Variants in ANK2 observed in about 807,000 individuals in gnomAD.
ANK2 encodes ankyrin-2.
Under a neutral mutation model 360.5 loss-of-function variants are expected in ANK2, and 83 were observed. The ratio of observed to expected loss-of-function variants is 0.23; its 90% confidence interval spans 0.19 to 0.28. ANK2 has a LOEUF of 0.28. Among genes scored for constraint, ANK2 ranks in the 10% least tolerant of loss-of-function variants. The probability of loss-of-function intolerance (pLI) is 1.00; values close to 1 mark genes in which losing one functional copy is unlikely to be tolerated. For missense variants in ANK2, 4,201 were observed against 4,795.7 expected, an observed-to-expected ratio of 0.88 and a Z score of 3.66; for synonymous variants, 1,740 against 1,759.5, an observed-to-expected ratio of 0.99 and a Z score of 0.28.
At chr4:113,235,818 T>A (rs1450463476) in intron 5 of ANK2, among the ~76,000 whole-genome samples, 2 of 150,442 alleles carry the variant, frequency 1.3e-5, no homozygotes, top group Non-Finnish European at 3.0e-5. Flanking sequence ...CTTGGCTCAC[T>A]GCAAGCTCTG....
intron 2 of ANK2, among the ~76,000 whole-genome samples, chr4:113,005,623 T>C (rs1234610442): frequency 6.6e-6 from 1 of 152,126 alleles, no homozygotes; most frequent in East Asian, 1.9e-4. Context: ...AGATTGGTTA[T>C]GGGTACAAAC....
At chr4:113,361,432 AAAAT>A (rs2096218014) in intron 39 of ANK2, among the ~76,000 whole-genome samples, 1 of 152,100 alleles carries the variant, frequency 6.6e-6, no homozygotes, top group African/African-American at 2.4e-5. Flanking sequence ...AGTGAATTCT[AAAAT>A]CAATATACTT....
chr4:113,177,846 C>G (rs1295447502), intron 2 of ANK2, among the ~76,000 whole-genome samples: 1 of 152,182 alleles, frequency 6.6e-6, no homozygotes, highest in Non-Finnish European at 1.5e-5. Flanking sequence ...TTGAAGAAGT[C>G]AGCTCACTTT....
chr4:112,968,776 G>A (rs190523364), intron 2 of ANK2, among the ~76,000 whole-genome samples: 58 of 152,222 alleles, frequency 3.8e-4, no homozygotes, highest in Non-Finnish European at 6.8e-4. Context: ...TTAAATCATT[G>A]AACAGTCTGT....
At chr4:112,757,825 C>T in the ANK2 span, among the ~76,000 whole-genome samples, 1 of 151,498 alleles carries the variant, frequency 6.6e-6, no homozygotes, top group Non-Finnish European at 1.5e-5. Flanking sequence ...AAGCGCTATA[C>T]GTAAAGGAGA....
At chr4:113,031,108 G>A (rs766664118) in intron 2 of ANK2, among the ~76,000 whole-genome samples, 3 of 151,922 alleles carry the variant, frequency 2.0e-5, no homozygotes, top group Non-Finnish European at 4.4e-5. Context: ...ATACTTAACA[G>A]CTGACTTGAA....
At chr4:112,888,797 C>T (rs188012311) in intron 1 of ANK2, among the ~76,000 whole-genome samples, 3 of 152,240 alleles carry the variant, frequency 2.0e-5, no homozygotes, top group African/African-American at 4.8e-5. Context: ...AGTTGAATGG[C>T]GAAGTCTTTT....
chr4:112,796,259 A>T, the ANK2 span, among the ~76,000 whole-genome samples: 1 of 152,058 alleles, frequency 6.6e-6, no homozygotes, highest in Non-Finnish European at 1.5e-5. Context: ...CTCCATCTCT[A>T]CTAAAAATAC....
chr4:112,739,127 G>A, the ANK2 span: 39 of 433,670 alleles, frequency 9.0e-5, no homozygotes, highest in South Asian at 6.1e-4. Flanking sequence ...TGCACGTTTT[G>A]TGTTTAAATA....
intron 9 of ANK2, among the ~76,000 whole-genome samples, chr4:113,242,420 G>A (rs1461595927): frequency 6.6e-6 from 1 of 152,206 alleles, no homozygotes; most frequent in Non-Finnish European, 1.5e-5. Flanking sequence ...GAAGCAAAAT[G>A]TTGGTCCCTC....
intron 45 of ANK2, among the ~76,000 whole-genome samples, chr4:113,376,421 T>C (rs1001390229): frequency 6.6e-6 from 1 of 152,204 alleles, no homozygotes; most frequent in Non-Finnish European, 1.5e-5. Flanking sequence ...ATACTTACCA[T>C]GTAGCTTGCA....
chr4:113,220,863 A>G (rs1441441858), intron 4 of ANK2, among the ~76,000 whole-genome samples: 1 of 152,222 alleles, frequency 6.6e-6, no homozygotes, highest in African/African-American at 2.4e-5. Flanking sequence ...TAGTCAATCA[A>G]CAGCTATTTA....
intron 39 of ANK2, among the ~76,000 whole-genome samples, chr4:113,361,977 G>A (rs944543658): frequency 3.9e-5 from 6 of 152,066 alleles, no homozygotes; most frequent in Admixed American, 1.3e-4. Flanking sequence ...TCTTCTAGCC[G>A]TGTGCCTCAG....
At chr4:112,983,514 T>A (rs1561403973) in intron 2 of ANK2, among the ~76,000 whole-genome samples, 1 of 148,038 alleles carries the variant, frequency 6.8e-6, no homozygotes, top group South Asian at 2.1e-4. Context: ...CTGTCTCTAC[T>A]AAAAAAAAAA....
At position 113,381,572 on chromosome 4, in the gene ANK2, C is replaced by T. The variant is rs779758092; in HGVS notation, c.*101C>T. ...ACCAGAAGCACTAGACCAGGACGAC[C>T]TCCAGCGCGATCTCCAGCAGCTCCT... On this transcript the variant is annotated 3_prime_UTR_variant, in exon 46 of 46. Coordinates refer to ENST00000357077, the MANE Select transcript of ANK2 (RefSeq NM_001148.6). 19 of 1,605,992 alleles carry T rather than the reference C, an allele frequency of 1.2e-5. No individual in the cohort carries two copies. Among genetic ancestry groups the T allele is most frequent in the Non-Finnish European group, 1.6e-5 (19 of 1,175,468 alleles).
chr4:113,202,685 A>G (rs1255990839), intron 4 of ANK2, among the ~76,000 whole-genome samples: 2 of 152,208 alleles, frequency 1.3e-5, no homozygotes, highest in African/African-American at 4.8e-5. Flanking sequence ...TTTTGGAATT[A>G]TAGGTTATGG....
At chr4:112,842,880 T>A (rs1189375548) in intron 1 of ANK2, among the ~76,000 whole-genome samples, 1 of 152,190 alleles carries the variant, frequency 6.6e-6, no homozygotes. Context: ...CCCAAATGGG[T>A]TTCACTAGGG....
In ANK2 at chr4:113,317,992, A is replaced by T. The variant is rs138401328; in HGVS notation, c.2796+183A>T. 2.7e-3 allele frequency among the ~76,000 whole-genome samples: 409 copies of T among 152,336 alleles called. 5 individuals carry two copies. Among genetic ancestry groups the T allele is most frequent in the African/African-American group, 9.2e-3 (383 of 41,574 alleles). On this transcript the variant is annotated intron_variant, in intron 25 of 45. Transcript: ENST00000357077. Reference sequence around the variant, plus strand: ...GAAAAATGTTCACTAGATTTTTTCAATGAGCAGTGTTTTTCTGAAAAAGCA... The same window carrying T: ...GAAAAATGTTCACTAGATTTTTTCATTGAGCAGTGTTTTTCTGAAAAAGCA...
chr4:112,853,256 A>G (rs1188764460), intron 1 of ANK2, among the ~76,000 whole-genome samples: 1 of 152,016 alleles, frequency 6.6e-6, no homozygotes, highest in Non-Finnish European at 1.5e-5. Context: ...TTTAGTAGAG[A>G]TGGGGTTTCA....
Sources: gnomAD v4.1 joint callset for allele counts (sites outside exome capture counted in the v4.1 genomes callset) on GRCh38, gnomAD v4.1.1 for gene constraint, MANE v1.5 for transcripts, NCBI Gene and HGNC (gene_info 2026-07-23, HGNC 2026-07-21) for gene names.